The following COMMD10 variants were observed in gnomAD, a reference collection of about 807,000 sequenced individuals.
The protein encoded by COMMD10 is COMM domain-containing protein 10.
A neutral mutation model predicts 28.9 loss-of-function variants in COMMD10; 33 were observed. The observed-to-expected ratio is 1.14, with a 90% CI of 0.87 to 1.53. The LOEUF (loss-of-function observed/expected upper bound fraction) is 1.53, where lower values mean the gene tolerates loss of function less well. Ranked by LOEUF, COMMD10 falls within the 40% of genes most tolerant of loss-of-function variation. COMMD10 has a pLI of 0.00. For missense variants in COMMD10, 310 were observed against 233.4 expected (o/e 1.33, Z -2.14); for synonymous variants, 110 against 81.7 (o/e 1.35, Z -1.87).
At chr5:116,235,631 C>T (rs975564840) in intron 5 of COMMD10, among the ~76,000 whole-genome samples, 2 of 152,044 alleles carry the variant, frequency 1.3e-5, no homozygotes, top group Non-Finnish European at 2.9e-5. Context: ...ATATAGAATT[C>T]TGTTTTCAAA....
intron 4 of COMMD10, among the ~76,000 whole-genome samples, chr5:116,129,850 G>A (rs1032655937): frequency 1.4e-5 from 2 of 146,162 alleles, no homozygotes; most frequent in African/African-American, 5.0e-5. Context: ...GTGCTATGTA[G>A]TATAGTATTA....
intron 5 of COMMD10, among the ~76,000 whole-genome samples, chr5:116,142,247 A>G (rs1338481259): frequency 2.0e-5 from 3 of 151,856 alleles, no homozygotes; most frequent in African/African-American, 7.2e-5. Flanking sequence ...AATATATTCT[A>G]AATGACTGCA....
chr5:116,116,903 A>T (rs1344887483), intron 4 of COMMD10, among the ~76,000 whole-genome samples: 1 of 152,098 alleles, frequency 6.6e-6, no homozygotes, highest in Non-Finnish European at 1.5e-5. Flanking sequence ...TTATATACAC[A>T]CATTTAATTA....
intron 4 of COMMD10, among the ~76,000 whole-genome samples, chr5:116,128,543 A>G (rs1424905777): frequency 1.3e-5 from 2 of 151,970 alleles, no homozygotes; most frequent in Admixed American, 6.6e-5. Flanking sequence ...ACTTAAGGCA[A>G]AACTCTATAC....
chr5:116,275,975 G>T (rs186431122), intron 5 of COMMD10, among the ~76,000 whole-genome samples: 2 of 149,696 alleles, frequency 1.3e-5, no homozygotes, highest in Admixed American at 1.3e-4. Context: ...TATATATATG[G>T]TACTACCCTT....
intron 5 of COMMD10, among the ~76,000 whole-genome samples, chr5:116,231,839 C>T (rs1229359585): frequency 2.0e-5 from 3 of 151,058 alleles, no homozygotes; most frequent in Non-Finnish European, 3.0e-5. Flanking sequence ...TACTTCAAGA[C>T]AATCCAGAAA....
intron 2 of COMMD10, among the ~76,000 whole-genome samples, chr5:116,088,878 C>G (rs957980367): frequency 6.6e-6 from 1 of 152,218 alleles, no homozygotes; most frequent in Admixed American, 6.5e-5. Flanking sequence ...ATTAATGTGT[C>G]TTCCTCTGGT....
In COMMD10 at chr5:116,085,889, C is replaced by T. The variant is rs558999129; in HGVS notation, c.41+796C>T. Reference sequence around the variant, plus strand: ...AAGAGTTATTTTAAAGTTTTTCCTTCTTTCTGGATTCCTTTTGTTACCAGT... The same window carrying T: ...AAGAGTTATTTTAAAGTTTTTCCTTTTTTCTGGATTCCTTTTGTTACCAGT... On this transcript the variant is annotated intron_variant, in intron 1 of 6. Transcript: ENST00000274458. Among the ~76,000 whole-genome samples the T allele has an allele frequency of 4.3e-4, 65 of 152,342 alleles. 2 individuals are homozygous for T. The South Asian group carries it at 0.013, about 31-fold the overall frequency.
At chr5:116,279,106 T>A (rs1375793924) in intron 5 of COMMD10, among the ~76,000 whole-genome samples, 3 of 151,688 alleles carry the variant, frequency 2.0e-5, no homozygotes, top group Non-Finnish European at 4.4e-5. Context: ...TTGGAAGCAC[T>A]GTTGGGAGAA....
intron 5 of COMMD10, among the ~76,000 whole-genome samples, chr5:116,257,400 C>G (rs938855224): frequency 2.0e-5 from 3 of 151,632 alleles, no homozygotes; most frequent in African/African-American, 7.3e-5. Context: ...ACAGTATTTT[C>G]AGCTTCTGTA....
chr5:116,281,505 T>G (rs1454892107), intron 5 of COMMD10, among the ~76,000 whole-genome samples: 2 of 151,722 alleles, frequency 1.3e-5, no homozygotes, highest in East Asian at 3.9e-4. Context: ...GTTTTTAGAT[T>G]AGGTGCAGAA....
At chr5:116,176,574 T>G (rs919636113) in intron 5 of COMMD10, among the ~76,000 whole-genome samples, 2 of 152,198 alleles carry the variant, frequency 1.3e-5, no homozygotes, top group Non-Finnish European at 2.9e-5. Flanking sequence ...GTTATTTTCC[T>G]ATATGTTTTA....
Position 116,292,591 on chromosome 5 carries a change from CT to C in COMMD10, c.*105del, listed in dbSNP as rs1411634197. The C allele has an allele frequency of 3.3e-6, 3 of 918,846 alleles. No individual in the cohort carries two copies. In the Admixed American group the frequency reaches 7.1e-5, roughly 22 times the overall value. 56.9% of individuals were successfully genotyped at this position (918,846 alleles called of 1,614,324 possible). A position where few individuals can be genotyped will look rare whatever the true frequency, so the allele number is the denominator to read the frequency against. ...GTTTTCTGAAGGATTCAGTGACTTG[CT>C]TTCTGTAAATTATATGGCTTATCAC... On this transcript the variant is annotated 3_prime_UTR_variant, in exon 7 of 7. Transcript: ENST00000274458.
intron 5 of COMMD10, among the ~76,000 whole-genome samples, chr5:116,231,477 G>A (rs1235927012): frequency 6.6e-6 from 1 of 152,106 alleles, no homozygotes; most frequent in Non-Finnish European, 1.5e-5. Context: ...TATTCAGCGA[G>A]TCGTGGTTAT....
At chr5:116,238,315 G>A (rs1017727505) in intron 5 of COMMD10, among the ~76,000 whole-genome samples, 1 of 152,176 alleles carries the variant, frequency 6.6e-6, no homozygotes, top group Admixed American at 6.5e-5. Flanking sequence ...ATTAAGAACA[G>A]AGTTTTTCAT....
At chr5:116,139,190 T>A (rs1752120989) in intron 5 of COMMD10, among the ~76,000 whole-genome samples, 1 of 151,800 alleles carries the variant, frequency 6.6e-6, no homozygotes, top group African/African-American at 2.4e-5. Flanking sequence ...AGGATTATCG[T>A]TACATGGACT....
At chr5:116,130,265 CT>C (rs1751821900) in intron 4 of COMMD10, among the ~76,000 whole-genome samples, 1 of 151,906 alleles carries the variant, frequency 6.6e-6, no homozygotes, top group Non-Finnish European at 1.5e-5. Flanking sequence ...GGGCAAAATC[CT>C]TTGTTCTCAA....
chr5:116,222,399 A>G (rs1054235834), intron 5 of COMMD10, among the ~76,000 whole-genome samples: 2 of 152,208 alleles, frequency 1.3e-5, no homozygotes, highest in Non-Finnish European at 2.9e-5. Context: ...ATTCTGGTCA[A>G]CAATTATAGT....
intron 5 of COMMD10, among the ~76,000 whole-genome samples, chr5:116,204,492 C>T (rs79836123): frequency 0.015 from 2,283 of 151,586 alleles, 55 homozygotes; most frequent in African/African-American, 0.048. Context: ...CCTGATGGTA[C>T]TGAATATTAA....
Sources: allele counts gnomAD v4.1 joint callset (sites outside exome capture counted in the v4.1 genomes callset), GRCh38; gene constraint gnomAD v4.1.1; transcripts MANE v1.5; gene names NCBI Gene and HGNC (gene_info 2026-07-23, HGNC 2026-07-21).